CASQ1: variants seen among roughly 807,000 people sequenced by gnomAD.
CASQ1 encodes calsequestrin 1.
CASQ1 carries 40 observed loss-of-function variants against 49.5 expected under a neutral mutation model. That is an observed-to-expected ratio of 0.81 (90% CI 0.63 to 1.05). The LOEUF (loss-of-function observed/expected upper bound fraction) is 1.05. CASQ1 is among the 50% of genes least tolerant of loss of function. The probability of loss-of-function intolerance (pLI) is 0.00; values close to 1 mark genes in which losing one functional copy is unlikely to be tolerated. For missense variants in CASQ1, 469 were observed against 486.9 expected, an observed-to-expected ratio of 0.96 and a Z score of 0.35; for synonymous variants, 174 against 187.2, an observed-to-expected ratio of 0.93 and a Z score of 0.58.
Position 160,193,759 on chromosome 1 carries a change from T to C in CASQ1, c.377T>C (p.Val126Ala), listed in dbSNP as rs1373617724. The C allele has an allele frequency of 1.2e-6, 2 of 1,606,364 alleles. No homozygotes were observed. The highest frequency in any genetic ancestry group is 1.7e-6 in the Non-Finnish European group (2 of 1,174,508). ...GCTCACTCCCTAGGCCTAACTGAAG[T>C]GGACAGCATGTATGTATTCAAGGGA... ...AVAKKLGLTE[V>A]DSMYVFKGDE... is the part of the protein sequence containing the mutation. The change falls in exon 3 of 11, where the codon GTG becomes GCG. Residue 126 changes from valine (V) to alanine (A), a missense_variant. Physicochemically the swap from Val to Ala is moderately conservative, Grantham distance 64 (BLOSUM62 0). Coordinates refer to ENST00000368078, the MANE Select transcript of CASQ1 (RefSeq NM_001231.5).
chr1:160,201,170 G>C, intron 10 of CASQ1, 75 bp from the exon 11 acceptor site: 1 of 1,462,382 alleles, frequency 6.8e-7, no homozygotes, highest in Admixed American at 1.9e-5. Flanking sequence ...GATGTACAGA[G>C]TCCAGTGAGT....
chr1:160,197,757 G>A (rs1016741200), intron 7 of CASQ1, 143 bp downstream of exon 7: 4 of 655,228 alleles, frequency 6.1e-6, no homozygotes, highest in East Asian at 2.7e-5. Context: ...GGTGGCTCAT[G>A]CCTGTAATCC....
At chr1:160,195,577 A>T (rs766847200) in intron 5 of CASQ1, 43 bp downstream of exon 5, 7 of 1,577,876 alleles carry the variant, frequency 4.4e-6, no homozygotes, top group Non-Finnish European at 6.1e-6. Flanking sequence ...TCATGTCCTG[A>T]AGCTGTCCTC....
chr1:160,193,500 C>G (rs553471028), intron 2 of CASQ1, among the ~76,000 whole-genome samples: 1 of 152,220 alleles, frequency 6.6e-6, no homozygotes, highest in South Asian at 2.1e-4. Flanking sequence ...CCTACCTGAT[C>G]CCCCAGCTAC....
In CASQ1 at chr1:160,190,797, C is replaced by T. The variant is rs371555372; in HGVS notation, c.46C>T (p.Arg16Trp). 3.4e-5 allele frequency: 55 copies of T among 1,613,992 alleles called. No homozygotes were observed. The highest frequency in any genetic ancestry group is 2.2e-4 in the Admixed American group (13 of 59,998). ...RMGPRAVPGL[R>W]LALLLLLVLG... The stretch of plus-strand genomic sequence containing the variant: ...GGGGCCCAGAGCTGTGCCGGGTCTG[C>T]GGCTGGCACTGCTGTTGCTGCTGGT... The change falls in exon 1 of 11, where the codon CGG becomes TGG. Residue 16 changes from arginine (R) to tryptophan (W), a missense_variant. Arg to Trp is a moderately radical substitution (Grantham distance 101, BLOSUM62 -3). Coordinates refer to ENST00000368078, the MANE Select transcript of CASQ1 (RefSeq NM_001231.5).
chr1:160,201,261 T>C lies in CASQ1; in HGVS notation c.1076T>C (p.Met359Thr). 2 of 1,613,312 alleles carry C rather than the reference T, an allele frequency of 1.2e-6. No homozygotes were observed. Among genetic ancestry groups the C allele is most frequent in the South Asian group, 1.1e-5 (1 of 90,840 alleles). Residue 359 changes from methionine (M) to threonine (T), a missense_variant, in exon 11 of 11, where the codon ATG becomes ACG. By Grantham distance (81) the Met-to-Thr change is moderately conservative. Coordinates refer to ENST00000368078, the MANE Select transcript of CASQ1 (RefSeq NM_001231.5). ...ATCTCCTAGGCGGATAGCGTATGGA[T>C]GGAAATGGACGATGAGGAGGACCTG... is the stretch of plus-strand genomic sequence containing the variant. Reference protein sequence around the residue: ...VNVTDADSVWMEMDDEEDLPS... With the variant: ...VNVTDADSVWTEMDDEEDLPS...
chr1:160,191,719 G>A (rs1170693663), intron 1 of CASQ1, among the ~76,000 whole-genome samples: 1 of 152,164 alleles, frequency 6.6e-6, no homozygotes, highest in African/African-American at 2.4e-5. Flanking sequence ...AGGCCCAAAG[G>A]AGAAAGAAGT....
intron 6 of CASQ1, among the ~76,000 whole-genome samples, chr1:160,196,235 G>A (rs1035380824): frequency 1.3e-5 from 2 of 152,158 alleles, no homozygotes; most frequent in East Asian, 1.9e-4. Context: ...CCTACACCGA[G>A]AGGGTCCTTC....
chr1:160,191,842 C>G (rs2101670779), intron 1 of CASQ1, among the ~76,000 whole-genome samples: 1 of 152,330 alleles, frequency 6.6e-6, no homozygotes, highest in Non-Finnish European at 1.5e-5. Flanking sequence ...CTTCTCTGGC[C>G]TCAGCTTGTC....
chr1:160,192,104 G>A (rs1000329936), intron 1 of CASQ1, among the ~76,000 whole-genome samples: 24 of 152,320 alleles, frequency 1.6e-4, no homozygotes, highest in South Asian at 1.4e-3. Flanking sequence ...AGGGTTGAAC[G>A]CTAAGCTGGA....
chr1:160,197,787 G>T (rs2101676853), intron 7 of CASQ1, among the ~76,000 whole-genome samples, 173 bp downstream of exon 7: 1 of 152,308 alleles, frequency 6.6e-6, no homozygotes, highest in African/African-American at 2.4e-5. Context: ...GGGAGGCCAA[G>T]GTGGGTGGAT....
At chr1:160,192,143 G>A (rs1654089744) in intron 1 of CASQ1, among the ~76,000 whole-genome samples, 1 of 152,230 alleles carries the variant, frequency 6.6e-6, no homozygotes, top group African/African-American at 2.4e-5. Flanking sequence ...ACCTCCAGGT[G>A]TGACTGTCCA....
chr1:160,192,541 GAA>G (rs1232999002), intron 1 of CASQ1: 5 of 400,354 alleles, frequency 1.2e-5, no homozygotes, highest in African/African-American at 1.0e-4. Flanking sequence ...TAGGCACTGG[GAA>G]GTATTGAGTG....
rs1192915454 is a variant in CASQ1 at position 160,197,516 on chromosome 1, AG to A, written c.783-48del. The A allele has an allele frequency of 4.6e-6, 6 of 1,316,126 alleles. No individual in the cohort carries two copies. In the Admixed American group the frequency reaches 5.0e-5, roughly 11 times the overall value. 81.5% of individuals were successfully genotyped at this position (1,316,126 alleles called of 1,614,324 possible). A position where few individuals can be genotyped will look rare whatever the true frequency, so the allele number is the denominator to read the frequency against. On this transcript the variant is annotated intron_variant, in intron 6 of 10. Coordinates refer to ENST00000368078, the MANE Select transcript of CASQ1 (RefSeq NM_001231.5). ...CAGCCTTTGCTACAGGACCCTCTGG[AG>A]GGGGCATCCTTCTAACCCACTGAGT...
At chr1:160,194,044 A>C (rs1654144068) in intron 3 of CASQ1, among the ~76,000 whole-genome samples, 197 bp downstream of exon 3, 1 of 150,142 alleles carries the variant, frequency 6.7e-6, no homozygotes, top group Non-Finnish European at 1.5e-5. Context: ...CACCACACAT[A>C]TGCATGCACA....
chr1:160,193,823 C>T lies in CASQ1; in HGVS notation c.441C>T (p.Asp147=), dbSNP rs902559647. 12 of 1,612,544 alleles carry T rather than the reference C, an allele frequency of 7.4e-6. No individual in the cohort carries two copies. The Admixed American group carries it at 1.3e-4, about 18-fold the overall frequency. ...VIEYDGEFSA[D]TIVEFLLDVL... The stretch of plus-strand genomic sequence containing the variant: ...AGTACGATGGCGAGTTTTCTGCTGA[C>T]ACCATCGTGGAGTTTCTGCTTGATG... The change falls in exon 3 of 11, where the codon GAC becomes GAT. Residue 147 remains aspartate (D), a synonymous_variant. Coordinates refer to ENST00000368078, the MANE Select transcript of CASQ1 (RefSeq NM_001231.5).
chr1:160,192,707 C>T (rs559726273), intron 1 of CASQ1, 95 bp from the exon 2 acceptor site: 12 of 980,936 alleles, frequency 1.2e-5, no homozygotes, highest in African/African-American at 9.6e-5. Context: ...TTATATCTCC[C>T]GCACCTCAAC....
intron 5 of CASQ1, 93 bp from the exon 6 acceptor site, chr1:160,195,804 A>G: frequency 1.2e-5 from 15 of 1,277,916 alleles, no homozygotes; most frequent in African/African-American, 1.5e-5. Flanking sequence ...CGGCTTTCTG[A>G]CTCCCTTCCT....
intron 10 of CASQ1, 60 bp downstream of exon 10, chr1:160,199,985 TCTC>T: frequency 9.2e-7 from 1 of 1,089,336 alleles, no homozygotes; most frequent in African/African-American, 1.5e-5. Context: ...CATAGCTAGC[TCTC>T]CTCCTCTCTG....
Sources: allele counts gnomAD v4.1 joint callset (sites outside exome capture counted in the v4.1 genomes callset), GRCh38; gene constraint gnomAD v4.1.1; transcripts MANE v1.5; gene names NCBI Gene and HGNC (gene_info 2026-07-23, HGNC 2026-07-21).